Variants in PCSK5 observed in about 807,000 individuals in gnomAD.
PCSK5 encodes the protein proprotein convertase subtilisin/kexin type 5.
A neutral mutation model predicts 233.2 loss-of-function variants in PCSK5; 129 were observed. That is an observed-to-expected ratio of 0.55 (90% CI 0.48 to 0.64). The LOEUF (loss-of-function observed/expected upper bound fraction) is 0.64. Ranked by LOEUF, PCSK5 falls within the 30% of genes least tolerant of loss-of-function variation. The probability of loss-of-function intolerance (pLI) is 0.00; values close to 1 mark genes in which losing one functional copy is unlikely to be tolerated. For missense variants in PCSK5, 2,076 were observed against 2,430.1 expected, an observed-to-expected ratio of 0.85 and a Z score of 3.06; for synonymous variants, 825 against 879.2, an observed-to-expected ratio of 0.94 and a Z score of 1.09.
At chr9:76,166,855 A>G (rs1215087779) in intron 12 of PCSK5, among the ~76,000 whole-genome samples, 1 of 152,170 alleles carries the variant, frequency 6.6e-6, no homozygotes, top group East Asian at 1.9e-4. Flanking sequence ...TCTGTTAGAA[A>G]GGGCAGTTTG....
chr9:76,319,940 A>G (rs1253962910), intron 30 of PCSK5, among the ~76,000 whole-genome samples: 1 of 152,182 alleles, frequency 6.6e-6, no homozygotes, highest in African/African-American at 2.4e-5. Flanking sequence ...TCGGCTACCT[A>G]AAAGGGAAGG....
intron 20 of PCSK5, chr9:76,193,630 C>A: frequency 3.5e-6 from 1 of 285,238 alleles, no homozygotes; most frequent in Non-Finnish European, 6.4e-6. Flanking sequence ...TATTGTATGA[C>A]CAAAGCATTT....
chr9:76,167,013 T>C (rs924986823), intron 12 of PCSK5, among the ~76,000 whole-genome samples: 3 of 152,216 alleles, frequency 2.0e-5, no homozygotes, highest in South Asian at 4.1e-4. Flanking sequence ...GCCATAAACT[T>C]GTGAAATGAG....
chr9:76,203,267 GTGGACCA>G (rs765348601), intron 20 of PCSK5, among the ~76,000 whole-genome samples: 85 of 152,240 alleles, frequency 5.6e-4, no homozygotes, highest in Non-Finnish European at 9.6e-4. Context: ...CACTAAAAGT[GTGGACCA>G]GCAGCAGCAA....
intron 24 of PCSK5, among the ~76,000 whole-genome samples, chr9:76,244,746 C>T (rs1427130077): frequency 6.6e-6 from 1 of 152,018 alleles, no homozygotes; most frequent in Non-Finnish European, 1.5e-5. Flanking sequence ...GGGCAGAAAA[C>T]TAAACTCATG....
chr9:76,077,023 G>GT lies in PCSK5; in HGVS notation c.894+5126dup, dbSNP rs562067544. Among the ~76,000 whole-genome samples the GT allele has an allele frequency of 3.0e-3, 458 of 152,222 alleles. 1 individual carries two copies. Among genetic ancestry groups the GT allele is most frequent in the Non-Finnish European group, 4.9e-3 (331 of 68,018 alleles). ...TCTTCATGATGATCTCAAAAGATAG[G>GT]TACTGTTTTTCCCAATTTATAGGGA... On this transcript the variant is annotated intron_variant, in intron 7 of 37. Coordinates refer to ENST00000674117, the MANE Select transcript of PCSK5 (RefSeq NM_001372043.1).
At chr9:76,138,425 C>T (rs1294460339) in intron 10 of PCSK5, among the ~76,000 whole-genome samples, 3 of 152,130 alleles carry the variant, frequency 2.0e-5, no homozygotes, top group East Asian at 3.9e-4. Flanking sequence ...ATCCATAGAG[C>T]CATGCGGAAG....
chr9:76,358,168 C>T (rs892627187), intron 37 of PCSK5, among the ~76,000 whole-genome samples: 2 of 152,042 alleles, frequency 1.3e-5, no homozygotes, highest in South Asian at 4.2e-4. Flanking sequence ...AGGATTCTCA[C>T]GGGGTACATA....
At chr9:76,103,160 A>G (rs1831833433) in intron 8 of PCSK5, among the ~76,000 whole-genome samples, 2 of 152,186 alleles carry the variant, frequency 1.3e-5, no homozygotes, top group Admixed American at 6.5e-5. Flanking sequence ...TGCTTAATAA[A>G]TCAGCTTCTT....
intron 5 of PCSK5, among the ~76,000 whole-genome samples, chr9:76,034,643 C>T (rs1472441796): frequency 1.3e-5 from 2 of 152,150 alleles, no homozygotes; most frequent in African/African-American, 4.8e-5. Context: ...GATGCCTTCT[C>T]TCATCCCGCA....
intron 20 of PCSK5, chr9:76,205,089 A>G (rs1825059672): frequency 5.8e-6 from 3 of 518,676 alleles, no homozygotes; most frequent in African/African-American, 5.8e-5. Flanking sequence ...CACTCTCACC[A>G]TATCTGTCAT....
chr9:75,891,567 C>T (rs1173414926), intron 1 of PCSK5, among the ~76,000 whole-genome samples, 194 bp downstream of exon 1: 1 of 149,776 alleles, frequency 6.7e-6, no homozygotes, highest in East Asian at 2.0e-4. Context: ...ACACACACCC[C>T]AGAGTTGCCG....
rs1830370654 is a variant in PCSK5, at chr9:76,358,819, G to A, written c.5561G>A (p.Gly1854Asp). Residue 1854 changes from glycine (G) to aspartate (D), a missense_variant, in exon 38 of 38, where the codon GGC becomes GAC. Transcript: ENST00000674117. Reference sequence around the variant, plus strand: ...GATGATGATGACATCGTCTACATGGGCCAGGATGGCACAGTCTACCGGAAA... The same window carrying A: ...GATGATGATGACATCGTCTACATGGACCAGGATGGCACAGTCTACCGGAAA... The part of the protein sequence containing the change: ...EDDDDDIVYM[G>D]QDGTVYRKFK... The A allele has an allele frequency of 6.2e-7, 1 of 1,612,836 alleles. No homozygotes were observed. Among genetic ancestry groups the A allele is most frequent in the Non-Finnish European group, 8.5e-7 (1 of 1,179,844 alleles).
At chr9:76,103,727 A>G (rs1375929259) in intron 8 of PCSK5, among the ~76,000 whole-genome samples, 1 of 152,194 alleles carries the variant, frequency 6.6e-6, no homozygotes, top group East Asian at 1.9e-4. Context: ...TTTGCTGATC[A>G]GGACAGCTTT....
intron 6 of PCSK5, 122 bp downstream of exon 6, chr9:76,068,165 C>A: frequency 1.6e-6 from 1 of 644,984 alleles, no homozygotes; most frequent in Non-Finnish European, 2.8e-6. Flanking sequence ...TAATAGTGTT[C>A]AACTATTGCT....
At chr9:76,075,136 C>G (rs949008967) in intron 7 of PCSK5, among the ~76,000 whole-genome samples, 1 of 152,124 alleles carries the variant, frequency 6.6e-6, no homozygotes, top group Non-Finnish European at 1.5e-5. Flanking sequence ...AGGAGAATCG[C>G]TTGAACCCAG....
chr9:76,289,232 G>A (rs1828187674), intron 24 of PCSK5, among the ~76,000 whole-genome samples: 1 of 152,036 alleles, frequency 6.6e-6, no homozygotes, highest in South Asian at 2.1e-4. Flanking sequence ...TTCTCCTTAG[G>A]AAAGATATGA....
At chr9:76,336,377 T>G (rs1301488081) in intron 34 of PCSK5, among the ~76,000 whole-genome samples, 1 of 152,186 alleles carries the variant, frequency 6.6e-6, no homozygotes, top group African/African-American at 2.4e-5. Flanking sequence ...ACCTTTAGGT[T>G]TCTAGGATAG....
At chr9:76,221,203 A>T (rs1160356530) in intron 20 of PCSK5, among the ~76,000 whole-genome samples, 1 of 152,222 alleles carries the variant, frequency 6.6e-6, no homozygotes, top group East Asian at 1.9e-4. Context: ...ATAATCAATC[A>T]TTGAGTAAAT....
Sources: allele counts gnomAD v4.1 joint callset (sites outside exome capture counted in the v4.1 genomes callset), GRCh38; gene constraint gnomAD v4.1.1; transcripts MANE v1.5; gene names NCBI Gene and HGNC (gene_info 2026-07-23, HGNC 2026-07-21).